Variants in SUPT20H observed in about 807,000 individuals in gnomAD.
SUPT20H encodes transcription factor SPT20 homolog.
SUPT20H carries 82 observed loss-of-function variants against 122.8 expected under a neutral mutation model. That is an observed-to-expected ratio of 0.67 (90% CI 0.56 to 0.80). The LOEUF (loss-of-function observed/expected upper bound fraction) is 0.80. SUPT20H is among the 30% of genes least tolerant of loss of function. The pLI is 0.00. For synonymous variants in SUPT20H, 291 were observed against 313.0 expected (o/e 0.93, Z 0.74); for missense variants, 831 against 921.6 (o/e 0.90, Z 1.27).
Position 37,022,676 on chromosome 13 carries a change from C to G in SUPT20H, c.1592-596G>C. The stretch of plus-strand genomic sequence containing the variant: ...TTTGTTATTTACGATTTCACTAATT[C>G]AAGACTTCATTTAAAAATATTGCTT... On this transcript the variant is annotated intron_variant, in intron 19 of 25. Coordinates refer to ENST00000350612, the MANE Select transcript of SUPT20H (RefSeq NM_001014286.3). This position sits in a 1 kb window ranked among gnomAD's most constrained non-coding sequence, Gnocchi z 4.5. The G allele has an allele frequency of 2.0e-6, 2 of 1,003,150 alleles. No individual in the cohort carries two copies. Among genetic ancestry groups the G allele is most frequent in the Non-Finnish European group, 2.4e-6 (2 of 840,492 alleles). The allele number at this position is 1,003,150 out of a possible 1,614,324, so 62.1% of individuals were successfully genotyped here.
chr13:37,026,933 G>T, intron 14 of SUPT20H, 117 bp from the exon 15 acceptor site: 1 of 630,980 alleles, frequency 1.6e-6, no homozygotes, highest in Non-Finnish European at 2.4e-6. Context: ...AATAAATCAT[G>T]CAGCTACTCT....
intron 23 of SUPT20H, among the ~76,000 whole-genome samples, chr13:37,015,756 T>C (rs1479396197): frequency 1.3e-5 from 2 of 152,146 alleles, no homozygotes; most frequent in African/African-American, 2.4e-5. Flanking sequence ...TTATTTACAA[T>C]AGCCGAAAGG....
intron 2 of SUPT20H, among the ~76,000 whole-genome samples, chr13:37,049,997 A>G (rs1397464595): frequency 1.3e-5 from 2 of 152,160 alleles, no homozygotes; most frequent in African/African-American, 4.8e-5. Flanking sequence ...CCAGGAGGGT[A>G]AGGGGGAAAA....
Position 37,048,006 on chromosome 13 carries a change from T to C in SUPT20H, c.40-70A>G. ...ACTATGAACAACTGTATTGAGTATA[T>C]CTAAAACATACGTAAGGCTAAAAAG... is the stretch of plus-strand genomic sequence containing the variant. On this transcript the variant is annotated intron_variant, in intron 3 of 25. Transcript: ENST00000350612. 3 of 1,183,776 alleles carry C rather than the reference T, an allele frequency of 2.5e-6. No individual in the cohort carries two copies. The South Asian group carries it at 4.9e-5, about 19-fold the overall frequency. 73.3% of individuals were successfully genotyped at this position (1,183,776 alleles called of 1,614,324 possible). A position where few individuals can be genotyped will look rare whatever the true frequency, so the allele number is the denominator to read the frequency against.
Position 37,022,323 on chromosome 13 carries a change from C to T in SUPT20H, c.1592-243G>A. 7.6e-7 allele frequency: 1 copy of T among 1,317,888 alleles called. No homozygotes were observed. The highest frequency in any genetic ancestry group is 9.7e-7 in the Non-Finnish European group (1 of 1,032,380). The allele number at this position is 1,317,888 out of a possible 1,614,324, so 81.6% of individuals were successfully genotyped here. A position where few individuals can be genotyped will look rare whatever the true frequency, so the allele number is the denominator to read the frequency against. The stretch of plus-strand genomic sequence containing the variant: ...TGGCTTAGGAGTTCCAGATCCTGCT[C>T]ATTGAGAAAAATAAAAATTGCTAGT... On this transcript the variant is annotated intron_variant, in intron 19 of 25. Coordinates refer to ENST00000350612, the MANE Select transcript of SUPT20H (RefSeq NM_001014286.3). The surrounding 1 kb of genome is among the most constrained non-coding windows in gnomAD (Gnocchi z 4.5).
intron 9 of SUPT20H, 62 bp from the exon 10 acceptor site, chr13:37,033,650 A>G: frequency 6.5e-7 from 1 of 1,527,852 alleles, no homozygotes; most frequent in African/African-American, 1.4e-5. Context: ...GTAATCATAT[A>G]TTGCACTTAA....
intron 1 of SUPT20H, among the ~76,000 whole-genome samples, chr13:37,052,800 T>TA: frequency 6.6e-6 from 1 of 152,238 alleles, no homozygotes; most frequent in South Asian, 2.1e-4. Context: ...AAAGGTCTAA[T>TA]ACCCAGAATC....
At chr13:37,051,335 A>C (rs1172460409) in intron 2 of SUPT20H, among the ~76,000 whole-genome samples, 153 bp downstream of exon 2, 1 of 152,192 alleles carries the variant, frequency 6.6e-6, no homozygotes, top group Non-Finnish European at 1.5e-5. Flanking sequence ...TATAGAGAAG[A>C]CTTTGCAATG....
intron 7 of SUPT20H, 60 bp downstream of exon 7, chr13:37,044,017 CA>C (rs1456727112): frequency 2.0e-6 from 2 of 1,010,340 alleles, no homozygotes; most frequent in East Asian, 2.7e-5. Flanking sequence ...AAAAATGTGA[CA>C]TATATATATC....
intron 9 of SUPT20H, among the ~76,000 whole-genome samples, chr13:37,036,531 G>A (rs564896158): frequency 3.8e-4 from 58 of 151,990 alleles, no homozygotes; most frequent in African/African-American, 1.3e-3. Flanking sequence ...CATGTTGGCC[G>A]GGATGGTCTC....
At chr13:37,011,568 T>G (rs1036278088) in intron 24 of SUPT20H, among the ~76,000 whole-genome samples, 1 of 152,168 alleles carries the variant, frequency 6.6e-6, no homozygotes, top group African/African-American at 2.4e-5. Flanking sequence ...CTCTTTTAAT[T>G]AAGTGTGAAG....
intron 12 of SUPT20H, 58 bp downstream of exon 12, chr13:37,031,509 C>A: frequency 8.4e-7 from 1 of 1,197,554 alleles, no homozygotes; most frequent in South Asian, 1.9e-5. Flanking sequence ...GTATAAGCAA[C>A]CGAATAGTAA....
At chr13:37,019,621 TA>T (rs1361502382) in intron 21 of SUPT20H, among the ~76,000 whole-genome samples, 2 of 152,228 alleles carry the variant, frequency 1.3e-5, no homozygotes, top group Admixed American at 1.3e-4. Flanking sequence ...CATTATATTC[TA>T]TATTTCAGAA....
intron 2 of SUPT20H, among the ~76,000 whole-genome samples, 161 bp downstream of exon 2, chr13:37,051,327 T>A (rs887154052): frequency 6.6e-6 from 1 of 152,202 alleles, no homozygotes; most frequent in African/African-American, 2.4e-5. Flanking sequence ...ATATACTTTA[T>A]AGAGAAGACT....
chr13:37,055,828 G>A (rs1424654726), intron 1 of SUPT20H, among the ~76,000 whole-genome samples: 11 of 152,210 alleles, frequency 7.2e-5, no homozygotes, highest in Admixed American at 5.2e-4. Context: ...GAGTGAACAG[G>A]CAACCTACAG....
In SUPT20H at chr13:37,012,260, A is replaced by G. The variant is rs1432723845; in HGVS notation, c.2030T>C (p.Leu677Ser). Reference protein sequence around the residue: ...EQGSTSQEQALSAQQAAVINL... With the variant: ...EQGSTSQEQASSAQQAAVINL... ...AATAACAGCAGCTTGCTGAGCAGATAAGGCCTGTTCTTGACTGGTTGAACC... is the reference window on the plus strand; with the variant it reads ...AATAACAGCAGCTTGCTGAGCAGATGAGGCCTGTTCTTGACTGGTTGAACC... The change falls in exon 24 of 26, where the codon TTA (leucine) becomes TCA (serine). Residue 677 changes from leucine to serine, a missense_variant. Physicochemically the swap from Leu to Ser is moderately radical, Grantham distance 145. Transcript: ENST00000350612. 2 of 1,613,540 alleles carry G rather than the reference A, an allele frequency of 1.2e-6. No individual in the cohort carries two copies. Among genetic ancestry groups the G allele is most frequent in the Non-Finnish European group, 1.7e-6 (2 of 1,179,548 alleles).
chr13:37,036,488 C>G (rs2064433136), intron 9 of SUPT20H, among the ~76,000 whole-genome samples: 1 of 152,070 alleles, frequency 6.6e-6, no homozygotes, highest in South Asian at 2.1e-4. Flanking sequence ...CCATGTCCAG[C>G]TAATTTCTGT....
chr13:37,026,965 A>G, intron 14 of SUPT20H, 149 bp from the exon 15 acceptor site: 1 of 512,924 alleles, frequency 1.9e-6, no homozygotes, highest in Non-Finnish European at 3.2e-6. Flanking sequence ...AAAAAATTCA[A>G]TTCTCTTCCT....
chr13:37,010,356 T>C (rs1379574831), intron 25 of SUPT20H, among the ~76,000 whole-genome samples, 196 bp downstream of exon 25: 1 of 152,236 alleles, frequency 6.6e-6, no homozygotes, highest in East Asian at 1.9e-4. Context: ...TTATAGAGTA[T>C]GGCTTAAATA....
Sources: allele counts gnomAD v4.1 joint callset (sites outside exome capture counted in the v4.1 genomes callset), GRCh38; gene constraint gnomAD v4.1.1; non-coding constraint Gnocchi (gnomAD v3.1); transcripts MANE v1.5; gene names NCBI Gene and HGNC (gene_info 2026-07-23, HGNC 2026-07-21).